The following LDLRAD4 variants were observed in gnomAD, a reference collection of about 807,000 sequenced individuals.
LDLRAD4 encodes the protein low-density lipoprotein receptor class A domain-containing protein 4.
Under a neutral mutation model 17.0 loss-of-function variants are expected in LDLRAD4, and 5 were observed. The observed-to-expected ratio is 0.29, with a 90% confidence interval of 0.15 to 0.62. LDLRAD4 has a LOEUF of 0.62. Among genes scored for constraint, LDLRAD4 ranks in the 20% least tolerant of loss-of-function variants. LDLRAD4 has a pLI of 0.84. For missense variants in LDLRAD4, 340 were observed against 424.7 expected (o/e 0.80, Z 1.75); for synonymous variants, 168 against 171.8 (o/e 0.98, Z 0.17).
At chr18:13,516,746 A>C (rs1164075053) in intron 3 of LDLRAD4, among the ~76,000 whole-genome samples, 1 of 152,198 alleles carries the variant, frequency 6.6e-6, no homozygotes, top group African/African-American at 2.4e-5. Context: ...ATTCATTTGG[A>C]GAAGAAGCCT....
At chr18:13,541,568 T>C (rs1010397673) in intron 3 of LDLRAD4, among the ~76,000 whole-genome samples, 4 of 152,208 alleles carry the variant, frequency 2.6e-5, no homozygotes, top group Non-Finnish European at 5.9e-5. Context: ...GTCTTTCTCA[T>C]AGAAAGACTG....
intron 1 of LDLRAD4, among the ~76,000 whole-genome samples, chr18:13,366,893 G>T (rs921378397): frequency 6.6e-6 from 1 of 152,186 alleles, no homozygotes; most frequent in Non-Finnish European, 1.5e-5. Flanking sequence ...TTGTCAGTGC[G>T]TTGAAGCCTG....
chr18:13,394,336 G>A (rs932180731), intron 2 of LDLRAD4, among the ~76,000 whole-genome samples: 3 of 151,956 alleles, frequency 2.0e-5, no homozygotes, highest in Non-Finnish European at 2.9e-5. Flanking sequence ...TAGAGGCATC[G>A]TGGTAGTCTC....
intron 1 of LDLRAD4, among the ~76,000 whole-genome samples, chr18:13,246,938 G>A (rs1455586273): frequency 3.6e-5 from 5 of 137,962 alleles, no homozygotes; most frequent in Middle Eastern, 3.5e-3. Flanking sequence ...TTATCTACAA[G>A]GGTTTTTTTT....
chr18:13,564,200 C>T (rs2094570243), intron 3 of LDLRAD4, among the ~76,000 whole-genome samples: 1 of 152,218 alleles, frequency 6.6e-6, no homozygotes, highest in African/African-American at 2.4e-5. Flanking sequence ...TTTTCAAACT[C>T]CCAGATTCTC....
chr18:13,286,862 C>T (rs574236886), intron 1 of LDLRAD4, among the ~76,000 whole-genome samples: 6 of 152,038 alleles, frequency 3.9e-5, no homozygotes, highest in Admixed American at 6.5e-5. Context: ...GGGATCCGTG[C>T]GCCGATTGTG....
At chr18:13,651,188 C>A (rs2043231293) in exon 6 of LDLRAD4, 1 of 152,202 alleles carries the variant, frequency 6.6e-6, no homozygotes, top group Non-Finnish European at 1.5e-5. Context: ...GTTGCAGAAA[C>A]TGTGTCAGAG....
intron 3 of LDLRAD4, among the ~76,000 whole-genome samples, chr18:13,583,013 G>A (rs1250813241): frequency 6.6e-6 from 1 of 152,152 alleles, no homozygotes; most frequent in Non-Finnish European, 1.5e-5. Flanking sequence ...ACCGCGTCTT[G>A]CTTGTATACT....
upstream of LDLRAD4, among the ~76,000 whole-genome samples, chr18:13,277,116 C>T (rs2044925309): frequency 6.6e-6 from 1 of 152,124 alleles, no homozygotes; most frequent in Non-Finnish European, 1.5e-5. Flanking sequence ...CAGGAATCTC[C>T]CAGGCTCCTC....
At chr18:13,247,605 A>G (rs1255074166) in intron 1 of LDLRAD4, among the ~76,000 whole-genome samples, 2 of 152,218 alleles carry the variant, frequency 1.3e-5, no homozygotes, top group East Asian at 1.9e-4. Context: ...ATTTTCAGCC[A>G]TGTTCCGCTT....
chr18:13,612,103 C>T (rs1021181533), intron 3 of LDLRAD4: 5 of 985,530 alleles, frequency 5.1e-6, no homozygotes, highest in Non-Finnish European at 6.0e-6. Context: ...TGAAAGCTTC[C>T]AGCAGAGATC....
chr18:13,437,254 G>A (rs1488470878), intron 2 of LDLRAD4, among the ~76,000 whole-genome samples: 1 of 152,224 alleles, frequency 6.6e-6, no homozygotes, highest in East Asian at 1.9e-4. Context: ...TGAGGAACCC[G>A]GGACTCCTCC....
At chr18:13,399,049 G>A (rs547474785) in intron 2 of LDLRAD4, among the ~76,000 whole-genome samples, 1 of 152,194 alleles carries the variant, frequency 6.6e-6, no homozygotes, top group East Asian at 1.9e-4. Context: ...GTCCAGTCTG[G>A]GCAACATAGC....
rs115640355 is a variant in LDLRAD4 at position 13,403,851 on chromosome 18, C to T, written c.40+16089C>T. Among the ~76,000 whole-genome samples, 1,486 of 152,334 alleles carry T rather than the reference C, an allele frequency of 9.8e-3. 20 individuals carry two copies. Among genetic ancestry groups the T allele is most frequent in the African/African-American group, 0.034 (1,426 of 41,572 alleles). On this transcript the variant is annotated intron_variant, in intron 2 of 5. Transcript: ENST00000359446. Reference sequence around the variant, plus strand: ...CCTTAAAGCAGGTTTTTTCTGTTGTCTGTGAAGCCTGTGATGATTGAGAGT... The same window carrying T: ...CCTTAAAGCAGGTTTTTTCTGTTGTTTGTGAAGCCTGTGATGATTGAGAGT...
chr18:13,544,823 A>G (rs2094336245), intron 3 of LDLRAD4, among the ~76,000 whole-genome samples: 1 of 151,748 alleles, frequency 6.6e-6, no homozygotes, highest in African/African-American at 2.4e-5. Context: ...GCCGCCAGGA[A>G]AAAGGGTCCA....
chr18:13,370,701 G>GT (rs1378242042), intron 1 of LDLRAD4, among the ~76,000 whole-genome samples: 1 of 94,616 alleles, frequency 1.1e-5, no homozygotes, highest in South Asian at 4.5e-4. Flanking sequence ...CTCTTTCATG[G>GT]TTTTTTGTTT....
At chr18:13,560,659 C>G (rs1568340530) in intron 3 of LDLRAD4, among the ~76,000 whole-genome samples, 1 of 152,214 alleles carries the variant, frequency 6.6e-6, no homozygotes, top group Non-Finnish European at 1.5e-5. Flanking sequence ...GACCAGAAAT[C>G]AGAGAGTTTG....
chr18:13,501,927 A>G (rs1019572921), intron 3 of LDLRAD4, among the ~76,000 whole-genome samples: 4 of 152,260 alleles, frequency 2.6e-5, no homozygotes, highest in African/African-American at 9.6e-5. Context: ...CAACCTAAGA[A>G]AACATCACAC....
chr18:13,553,110 A>C (rs1284413), intron 3 of LDLRAD4, among the ~76,000 whole-genome samples: 3 of 152,030 alleles, frequency 2.0e-5, no homozygotes, highest in Non-Finnish European at 2.9e-5. Context: ...ATGTACAGAC[A>C]TGGAACAGAG....
Sources: gnomAD v4.1 joint callset for allele counts (sites outside exome capture counted in the v4.1 genomes callset) on GRCh38, gnomAD v4.1.1 for gene constraint, MANE v1.5 for transcripts, NCBI Gene and HGNC (gene_info 2026-07-23, HGNC 2026-07-21) for gene names.